Variants in XPR1 observed in about 807,000 individuals in gnomAD.
XPR1 encodes xenotropic and polytropic retrovirus receptor 1.
A neutral mutation model predicts 87.5 loss-of-function variants in XPR1; 28 were observed. The ratio of observed to expected loss-of-function variants is 0.32; its 90% confidence interval spans 0.24 to 0.44. XPR1 has a LOEUF of 0.44. XPR1 is among the 20% of genes least tolerant of loss of function. The pLI, the probability that XPR1 is intolerant of heterozygous loss-of-function variation, is 1.00. For synonymous variants in XPR1, 300 were observed against 306.1 expected (o/e 0.98, Z 0.21); for missense variants, 559 against 862.3 (o/e 0.65, Z 4.41).
intron 3 of XPR1, among the ~76,000 whole-genome samples, chr1:180,798,731 A>G (rs575380458): frequency 3.3e-5 from 5 of 152,252 alleles, no homozygotes; most frequent in Admixed American, 2.6e-4. Flanking sequence ...CTCATGCCTC[A>G]GCCTTCTGAG....
rs1386165473 is a variant in XPR1 at position 180,884,337 on chromosome 1, T to A, written c.*271T>A. 1.2e-5 allele frequency: 4 copies of A among 336,254 alleles called. No individual in the cohort carries two copies. Among genetic ancestry groups the A allele is most frequent in the Non-Finnish European group, 2.2e-5 (4 of 181,034 alleles). 20.8% of individuals were successfully genotyped at this position (336,254 alleles called of 1,614,324 possible). A position where few individuals can be genotyped will look rare whatever the true frequency, so the allele number is the denominator to read the frequency against. ...GTTTTAAGAAACAAAACATAGTATC[T>A]TATGGATTGTTTACAATCACAAGGA... is the stretch of plus-strand genomic sequence containing the variant. On this transcript the variant is annotated 3_prime_UTR_variant, in exon 15 of 15. Coordinates refer to ENST00000367590, the MANE Select transcript of XPR1 (RefSeq NM_004736.4).
chr1:180,656,456 T>TAATTATATA (rs1334113687), intron 1 of XPR1, among the ~76,000 whole-genome samples: 1 of 3,338 alleles, frequency 3.0e-4, no homozygotes, highest in African/African-American at 7.4e-4. Context: ...TATTTATATA[T>TAATTATATA]TTATATATAA....
At chr1:180,812,695 C>T (rs1650263880) in intron 7 of XPR1, among the ~76,000 whole-genome samples, 2 of 147,312 alleles carry the variant, frequency 1.4e-5, no homozygotes, top group Admixed American at 6.9e-5. Context: ...GTCGCCAGGT[C>T]TGGGGTGCAG....
chr1:180,782,205 A>G (rs1350418681), intron 2 of XPR1, among the ~76,000 whole-genome samples: 1 of 151,900 alleles, frequency 6.6e-6, no homozygotes, highest in East Asian at 1.9e-4. Flanking sequence ...AATTGTTGAT[A>G]TATCTTTCTA....
At chr1:180,743,843 T>A (rs1379974434) in intron 2 of XPR1, among the ~76,000 whole-genome samples, 2 of 152,194 alleles carry the variant, frequency 1.3e-5, no homozygotes, top group East Asian at 3.8e-4. Flanking sequence ...TTGATGAAAA[T>A]TTCACAGTTG....
At chr1:180,716,448 T>G (rs1300922349) in intron 2 of XPR1, among the ~76,000 whole-genome samples, 1 of 152,218 alleles carries the variant, frequency 6.6e-6, no homozygotes, top group Non-Finnish European at 1.5e-5. Context: ...CCTGTTTTGG[T>G]ATCATCACTT....
intron 11 of XPR1, among the ~76,000 whole-genome samples, chr1:180,859,475 A>G (rs895253713): frequency 6.6e-6 from 1 of 152,146 alleles, no homozygotes; most frequent in Non-Finnish European, 1.5e-5. Flanking sequence ...GCCAAGAGAG[A>G]ATAAGATGTA....
At chr1:180,814,782 G>T (rs1003541836) in intron 7 of XPR1, among the ~76,000 whole-genome samples, 7 of 152,150 alleles carry the variant, frequency 4.6e-5, no homozygotes, top group African/African-American at 1.4e-4. Context: ...ACTTTTAAAT[G>T]AGAGCATCAG....
At chr1:180,854,043 A>G (rs1453011730) in intron 11 of XPR1, among the ~76,000 whole-genome samples, 2 of 152,212 alleles carry the variant, frequency 1.3e-5, no homozygotes, top group Non-Finnish European at 1.5e-5. Flanking sequence ...TGTTAGAACA[A>G]TGCCGTTAAA....
At chr1:180,847,639 T>C (rs540577904) in intron 11 of XPR1, among the ~76,000 whole-genome samples, 2 of 152,316 alleles carry the variant, frequency 1.3e-5, no homozygotes, top group East Asian at 3.9e-4. Context: ...CCATCTGTGA[T>C]GAAAGCGTGA....
rs565021718 is a variant in XPR1, at chr1:180,665,281, C to G, written c.70-17079C>G. Among the ~76,000 whole-genome samples, 5 of 152,270 alleles carry G rather than the reference C, an allele frequency of 3.3e-5. No homozygotes were observed. The South Asian group carries it at 1.0e-3, about 32-fold the overall frequency. ...AGAACAGCATGGGGAAAACCGCCGC[C>G]GTGATCCAAGTACCTCCACCTGGTC... is the stretch of plus-strand genomic sequence containing the variant. On this transcript the variant is annotated intron_variant, in intron 1 of 14. Transcript: ENST00000367590.
chr1:180,681,179 A>G lies in XPR1; in HGVS notation c.70-1181A>G, dbSNP rs182705885. On this transcript the variant is annotated intron_variant, in intron 1 of 14. Coordinates refer to ENST00000367590, the MANE Select transcript of XPR1 (RefSeq NM_004736.4). ...TAGGCTGACTATAGTTAACAATAGT[A>G]TATAGTTTCAAATACCTAGAAGGAG... Among the ~76,000 whole-genome samples the G allele has an allele frequency of 2.9e-3, 441 of 152,330 alleles. 3 individuals carry two copies. The highest frequency in any genetic ancestry group is 9.6e-3 in the African/African-American group (399 of 41,580).
intron 14 of XPR1, 34 bp from the exon 15 acceptor site, chr1:180,883,972 A>T (rs1374321106): frequency 6.2e-7 from 1 of 1,600,576 alleles, no homozygotes; most frequent in African/African-American, 1.3e-5. Flanking sequence ...TGGGTAATGG[A>T]CTAAGTGCTT....
intron 11 of XPR1, among the ~76,000 whole-genome samples, chr1:180,853,045 CT>C (rs1307621946): frequency 6.6e-6 from 1 of 152,150 alleles, no homozygotes; most frequent in African/African-American, 2.4e-5. Flanking sequence ...CTTCTCATGC[CT>C]CAGCCTCCCA....
At chr1:180,845,519 T>C (rs940146556) in intron 11 of XPR1, among the ~76,000 whole-genome samples, 6 of 152,168 alleles carry the variant, frequency 3.9e-5, no homozygotes, top group African/African-American at 1.2e-4. Flanking sequence ...TGACTGTGTG[T>C]GTGTGTGTCT....
At chr1:180,647,223 C>T (rs564736566) in intron 1 of XPR1, among the ~76,000 whole-genome samples, 8 of 152,178 alleles carry the variant, frequency 5.3e-5, no homozygotes, top group Non-Finnish European at 2.9e-5. Flanking sequence ...AATGGGGAGC[C>T]GCTGTAAATA....
chr1:180,697,335 A>G (rs988890000), intron 2 of XPR1, among the ~76,000 whole-genome samples: 1 of 151,468 alleles, frequency 6.6e-6, no homozygotes, highest in African/African-American at 2.4e-5. Context: ...TTTCTTTCTA[A>G]TTTTATATGG....
chr1:180,816,307 G>A (rs112271306), intron 7 of XPR1, among the ~76,000 whole-genome samples: 50 of 152,268 alleles, frequency 3.3e-4, no homozygotes, highest in African/African-American at 1.1e-3. Flanking sequence ...AATAGGGTTC[G>A]TTCTCCTCTG....
intron 2 of XPR1, among the ~76,000 whole-genome samples, chr1:180,704,943 T>C (rs1423150540): frequency 1.3e-5 from 2 of 149,130 alleles, no homozygotes; most frequent in East Asian, 3.9e-4. Flanking sequence ...GGCTTTCTGT[T>C]TCATGGAACA....
Sources: allele counts gnomAD v4.1 joint callset (sites outside exome capture counted in the v4.1 genomes callset), GRCh38; gene constraint gnomAD v4.1.1; transcripts MANE v1.5; gene names NCBI Gene and HGNC (gene_info 2026-07-23, HGNC 2026-07-21).